The following NUP155 variants were observed in gnomAD, a reference collection of about 807,000 sequenced individuals.
NUP155 encodes nuclear pore complex protein Nup155.
In NUP155, 71 loss-of-function variants were observed where a neutral mutation model predicts 180.4. The observed-to-expected ratio is 0.39, with a 90% CI of 0.33 to 0.48. The LOEUF is 0.48. NUP155 is among the 20% of genes least tolerant of loss of function. The probability of loss-of-function intolerance (pLI) is 0.91; values close to 1 mark genes in which losing one functional copy is unlikely to be tolerated. For synonymous variants in NUP155, 582 were observed against 559.5 expected, an observed-to-expected ratio of 1.04 and a Z score of -0.57; for missense variants, 1,553 against 1,648.9, an observed-to-expected ratio of 0.94 and a Z score of 1.01.
At chr5:37,353,251 C>CATAT (rs369938145) in intron 4 of NUP155, among the ~76,000 whole-genome samples, 3 of 151,286 alleles carry the variant, frequency 2.0e-5, no homozygotes, top group African/African-American at 7.3e-5. Context: ...AAAAAAATGA[C>CATAT]ATATATATAT....
chr5:37,333,686 A>G, intron 12 of NUP155, 53 bp from the exon 13 acceptor site: 1 of 1,385,344 alleles, frequency 7.2e-7, no homozygotes. Context: ...ACATAATGCA[A>G]AAGAAAAAAC....
At chr5:37,344,715 T>C (rs916526672) in intron 9 of NUP155, among the ~76,000 whole-genome samples, 2 of 151,504 alleles carry the variant, frequency 1.3e-5, no homozygotes, top group Admixed American at 1.3e-4. Context: ...CTACTAAAAA[T>C]ACAAAAATTA....
At chr5:37,351,653 G>C (rs944573493) in intron 5 of NUP155, among the ~76,000 whole-genome samples, 1 of 151,658 alleles carries the variant, frequency 6.6e-6, no homozygotes, top group African/African-American at 2.4e-5. Context: ...GTTTCACCGT[G>C]TTAGCCAGGA....
At position 37,310,604 on chromosome 5, in the gene NUP155, A is replaced by G. The variant is rs1339776144; in HGVS notation, c.2576T>C (p.Leu859Ser). Reference protein sequence around the residue: ...NAAVDGISLHLQDICPLLYST... With the variant: ...NAAVDGISLHSQDICPLLYST... ...ATATAGAAGTGGGCAGATATCCTGTAAATGTAAACTAATGCCATCAACAGC... is the reference window on the plus strand; with the variant it reads ...ATATAGAAGTGGGCAGATATCCTGTGAATGTAAACTAATGCCATCAACAGC... Residue 859 changes from leucine (L) to serine (S), a missense_variant, in exon 23 of 35, where the codon TTA becomes TCA. Coordinates refer to ENST00000231498, the MANE Select transcript of NUP155 (RefSeq NM_153485.3). The G allele has an allele frequency of 1.2e-6, 2 of 1,613,728 alleles. No individual in the cohort carries two copies. The highest frequency in any genetic ancestry group is 1.7e-6 in the Non-Finnish European group (2 of 1,179,750).
chr5:37,333,700 A>G, intron 12 of NUP155, 67 bp from the exon 13 acceptor site: 2 of 1,140,814 alleles, frequency 1.8e-6, no homozygotes, highest in Middle Eastern at 2.9e-4. Context: ...AAAAAACTAC[A>G]GACTTAATAA....
Position 37,322,002 on chromosome 5 carries a change from T to C in NUP155, c.2207+1990A>G, listed in dbSNP as rs181618204. Among the ~76,000 whole-genome samples, 96 of 152,158 alleles carry C rather than the reference T, an allele frequency of 6.3e-4. No homozygotes were observed. The South Asian group carries it at 0.011, about 18-fold the overall frequency. Reference sequence around the variant, plus strand: ...TAGCTAGTAGCTGGGATTACAGGCATGTGCCACCACACCTGGCTAGTTTTG... The same window carrying C: ...TAGCTAGTAGCTGGGATTACAGGCACGTGCCACCACACCTGGCTAGTTTTG... On this transcript the variant is annotated intron_variant, in intron 20 of 34. Coordinates refer to ENST00000231498, the MANE Select transcript of NUP155 (RefSeq NM_153485.3).
chr5:37,316,267 C>T (rs898815258), intron 21 of NUP155, among the ~76,000 whole-genome samples: 4 of 152,172 alleles, frequency 2.6e-5, no homozygotes, highest in South Asian at 2.1e-4. Context: ...AATTCTGACA[C>T]GTTACAACAT....
rs750453104 is a variant in NUP155, at chr5:37,371,014, A to T, written c.-37T>A. 9.2e-5 allele frequency: 147 copies of T among 1,605,748 alleles called. 1 individual carries two copies. Among genetic ancestry groups the T allele is most frequent in the Non-Finnish European group, 1.1e-4 (129 of 1,174,274 alleles). On this transcript the variant is annotated 5_prime_UTR_variant, in exon 1 of 35. Coordinates refer to ENST00000231498, the MANE Select transcript of NUP155 (RefSeq NM_153485.3). ...TAGACACCAGGGTCCAGAAAAAGTC[A>T]AAAACCAAGGAGAAACAAGAAAAGA...
chr5:37,296,192 G>A (rs1581126985), intron 32 of NUP155, among the ~76,000 whole-genome samples: 2 of 152,328 alleles, frequency 1.3e-5, no homozygotes, highest in East Asian at 3.9e-4. Flanking sequence ...ACAGCTCATT[G>A]AGAACGGGCC....
At chr5:37,337,324 C>A (rs867992051) in intron 12 of NUP155, among the ~76,000 whole-genome samples, 11 of 152,000 alleles carry the variant, frequency 7.2e-5, no homozygotes, top group Middle Eastern at 3.4e-3. Context: ...CAACTCAATT[C>A]TCTTACGTGA....
intron 4 of NUP155, among the ~76,000 whole-genome samples, chr5:37,355,171 A>G (rs1746732374): frequency 6.6e-6 from 1 of 152,092 alleles, no homozygotes; most frequent in Non-Finnish European, 1.5e-5. Flanking sequence ...AATTTCACTT[A>G]GGCCTTGCAA....
intron 32 of NUP155, among the ~76,000 whole-genome samples, chr5:37,297,215 C>T (rs1742634748): frequency 1.3e-5 from 2 of 152,102 alleles, no homozygotes; most frequent in South Asian, 4.1e-4. Context: ...AGAGACGGGG[C>T]TTGCTATGCC....
At chr5:37,307,221 C>CA (rs892833108) in intron 25 of NUP155, 76 bp downstream of exon 25, 1 of 1,293,776 alleles carries the variant, frequency 7.7e-7, no homozygotes, top group African/African-American at 1.6e-5. Flanking sequence ...AAACATAAAA[C>CA]AAAAAACAAA....
intron 3 of NUP155, among the ~76,000 whole-genome samples, chr5:37,363,120 C>A (rs931310159): frequency 6.6e-6 from 1 of 152,136 alleles, no homozygotes; most frequent in African/African-American, 2.4e-5. Context: ...CCATGTTGGC[C>A]AGGCTGGTCT....
chr5:37,310,914 G>A (rs533386581), intron 22 of NUP155, among the ~76,000 whole-genome samples, 171 bp from the exon 23 acceptor site: 1 of 152,140 alleles, frequency 6.6e-6, no homozygotes, highest in East Asian at 1.9e-4. Flanking sequence ...TAAAATCATA[G>A]AGAGTTGGAA....
chr5:37,346,724 G>C (rs900912687), intron 9 of NUP155, among the ~76,000 whole-genome samples: 1 of 151,974 alleles, frequency 6.6e-6, no homozygotes, highest in African/African-American at 2.4e-5. Context: ...CAAGGTAGTT[G>C]GGATATGTGC....
At chr5:37,300,459 A>G (rs536053405) in intron 30 of NUP155, among the ~76,000 whole-genome samples, 1 of 151,992 alleles carries the variant, frequency 6.6e-6, no homozygotes, top group Non-Finnish European at 1.5e-5. Flanking sequence ...TGTATAAACA[A>G]TGGGTTGAAG....
chr5:37,303,486 A>G, intron 27 of NUP155, 72 bp from the exon 28 acceptor site: 3 of 1,248,118 alleles, frequency 2.4e-6, no homozygotes, highest in Admixed American at 1.9e-5. Context: ...AGGAAAATAT[A>G]GTATTTTTAA....
At chr5:37,340,618 G>A (rs995163029) in intron 11 of NUP155, among the ~76,000 whole-genome samples, 3 of 152,144 alleles carry the variant, frequency 2.0e-5, no homozygotes, top group Admixed American at 6.6e-5. Context: ...CAGACAGTAA[G>A]ATGAAGACAA....
Sources: gnomAD v4.1 joint callset for allele counts (sites outside exome capture counted in the v4.1 genomes callset) on GRCh38, gnomAD v4.1.1 for gene constraint, MANE v1.5 for transcripts, NCBI Gene and HGNC (gene_info 2026-07-23, HGNC 2026-07-21) for gene names.